Variants in BMP1 observed in about 807,000 individuals in gnomAD.
The protein encoded by BMP1 is bone morphogenetic protein 1, also known as mammalian tolloid protein.
A neutral mutation model predicts 116.8 loss-of-function variants in BMP1; 63 were observed. That is an observed-to-expected ratio of 0.54 (90% CI 0.44 to 0.67). The LOEUF (loss-of-function observed/expected upper bound fraction) is 0.67. BMP1 is among the 30% of genes least tolerant of loss of function. The probability of loss-of-function intolerance (pLI) is 0.00; values close to 1 mark genes in which losing one functional copy is unlikely to be tolerated. For synonymous variants in BMP1, 536 were observed against 533.4 expected (o/e 1.00, Z -0.07); for missense variants, 1,183 against 1,358.9 (o/e 0.87, Z 2.04).
chr8:22,168,978 G>A (rs981864951), intron 1 of BMP1, among the ~76,000 whole-genome samples: 3 of 152,188 alleles, frequency 2.0e-5, no homozygotes, highest in African/African-American at 7.2e-5. Context: ...ACTAGCCTGG[G>A]CAACACAGCA....
At chr8:22,167,039 T>C (rs1342762231) in intron 1 of BMP1, among the ~76,000 whole-genome samples, 2 of 152,140 alleles carry the variant, frequency 1.3e-5, no homozygotes, top group Non-Finnish European at 2.9e-5. Flanking sequence ...GTGGTAAGGG[T>C]TAAATATGAA....
intron 18 of BMP1, 38 bp downstream of exon 18, chr8:22,207,554 G>A: frequency 6.2e-7 from 1 of 1,603,872 alleles, no homozygotes. Context: ...ACTGAGCCTG[G>A]TCTCCAAGAC....
rs772019480 is a variant in BMP1, at chr8:22,209,747, G to T, written c.2826+52G>T. On this transcript the variant is annotated intron_variant, in intron 19 of 19. Coordinates refer to ENST00000306385, the MANE Select transcript of BMP1 (RefSeq NM_006129.5). Reference sequence around the variant, plus strand: ...GGCCCCATGCCCCACGCCCCACACTGTCCTCCACCCTTCTCAGCCCAGTCT... The same window carrying T: ...GGCCCCATGCCCCACGCCCCACACTTTCCTCCACCCTTCTCAGCCCAGTCT... 5.7e-6 allele frequency: 9 copies of T among 1,578,576 alleles called. No homozygotes were observed. In the East Asian group the frequency reaches 2.0e-4, roughly 35 times the overall value.
At chr8:22,167,293 T>A (rs979822802) in intron 1 of BMP1, among the ~76,000 whole-genome samples, 3 of 152,100 alleles carry the variant, frequency 2.0e-5, no homozygotes, top group Admixed American at 2.0e-4. Context: ...TCAAGGAGCT[T>A]ACAGTCCAGT....
In BMP1 at chr8:22,209,455, C is replaced by T. The variant is rs776461856; in HGVS notation, c.2586C>T (p.Gly862=). ...TCTTGTCCCCTACAGAGTGCGGGGG[C>T]CAGGTACGGGCAGACGTGAAGACCA... ...FQASHATECG[G]QVRADVKTKD... The change falls in exon 19 of 20, where the codon GGC becomes GGT. Residue 862 remains glycine (G), a synonymous_variant. Transcript: ENST00000306385. The T allele has an allele frequency of 1.4e-5, 22 of 1,614,004 alleles. No homozygotes were observed. The South Asian group carries it at 2.1e-4, about 15-fold the overall frequency.
rs921220667 is a variant in BMP1, at chr8:22,198,141, C to T, written c.2107+721C>T. 5.3e-5 allele frequency among the ~76,000 whole-genome samples: 8 copies of T among 152,290 alleles called. No homozygotes were observed. The East Asian group carries it at 1.5e-3, about 29-fold the overall frequency. ...TTGAGGCTGTAGTGAACGATGATCT[C>T]GTCACTCACTCCAGACCCTGTTTCT... On this transcript the variant is annotated intron_variant, in intron 15 of 19. Transcript: ENST00000306385.
intron 8 of BMP1, among the ~76,000 whole-genome samples, chr8:22,184,037 T>C (rs1828699467): frequency 6.6e-6 from 1 of 152,242 alleles, no homozygotes; most frequent in African/African-American, 2.4e-5. Context: ...CAAGAGTTGG[T>C]GATTTCAATA....
At position 22,194,325 on chromosome 8, in the gene BMP1, G is replaced by A. The variant is rs536782865; in HGVS notation, c.1298-120G>A. On this transcript the variant is annotated intron_variant, in intron 10 of 19. Coordinates refer to ENST00000306385, the MANE Select transcript of BMP1 (RefSeq NM_006129.5). This position sits in a 1 kb window ranked among gnomAD's most constrained non-coding sequence, Gnocchi z 4.5. ...GGGATTGCCTGGGACTGGGGGTTTG[G>A]TGGGGAACTGAAAAGCTGGGGGACA... The A allele has an allele frequency of 4.2e-4, 614 of 1,479,160 alleles. 1 individual carries two copies. The highest frequency in any genetic ancestry group is 1.5e-3 in the Admixed American group (83 of 54,286). 91.6% of individuals were successfully genotyped at this position (1,479,160 alleles called of 1,614,324 possible).
At chr8:22,188,872 G>C (rs944352628) in intron 8 of BMP1, among the ~76,000 whole-genome samples, 1 of 152,158 alleles carries the variant, frequency 6.6e-6, no homozygotes. Context: ...GAAGGAAAGC[G>C]GGCGCTTGTC....
rs1237734585 is a variant in BMP1 at position 22,165,388 on chromosome 8, C to A, written c.-18C>A. On this transcript the variant is annotated 5_prime_UTR_variant, in exon 1 of 20. Transcript: ENST00000306385. ...CTGGCCTCCAGTGCGCCGCTTCCCT[C>A]GCCGCCGCCCCGCCAGCATGCCCGG... 1.4e-6 allele frequency: 2 copies of A among 1,435,600 alleles called. No homozygotes were observed. Among genetic ancestry groups the A allele is most frequent in the South Asian group, 1.5e-5 (1 of 66,590 alleles). 88.9% of individuals were successfully genotyped at this position (1,435,600 alleles called of 1,614,324 possible). A position where few individuals can be genotyped will look rare whatever the true frequency, so the allele number is the denominator to read the frequency against.
chr8:22,202,004 A>G (rs1167589856), intron 16 of BMP1, 76 bp downstream of exon 16: 11 of 1,526,332 alleles, frequency 7.2e-6, no homozygotes, highest in African/African-American at 2.7e-5. Flanking sequence ...GATCATCTCC[A>G]TCAGCCTCCG....
chr8:22,180,200 G>A (rs1186101424), intron 7 of BMP1, among the ~76,000 whole-genome samples, 168 bp from the exon 8 acceptor site: 1 of 152,066 alleles, frequency 6.6e-6, no homozygotes, highest in African/African-American at 2.4e-5. Flanking sequence ...TGTGCTATAT[G>A]TGAGGTAGGG....
At chr8:22,210,527 C>G (rs1319592170) in intron 19 of BMP1, among the ~76,000 whole-genome samples, 5 of 151,786 alleles carry the variant, frequency 3.3e-5, no homozygotes, top group Non-Finnish European at 5.9e-5. Flanking sequence ...TACACTGGCC[C>G]TCCTGTCACC....
chr8:22,195,983 C>T (rs1829073490), intron 13 of BMP1, among the ~76,000 whole-genome samples: 1 of 152,058 alleles, frequency 6.6e-6, no homozygotes, highest in Admixed American at 6.5e-5. Context: ...CTTGGAAAAG[C>T]TAGATGGATA....
chr8:22,198,819 C>T, intron 15 of BMP1: 2 of 539,940 alleles, frequency 3.7e-6, no homozygotes, highest in Non-Finnish European at 5.4e-6. Flanking sequence ...TTACAGTGGC[C>T]CGTTGACCTC....
intron 16 of BMP1, among the ~76,000 whole-genome samples, chr8:22,205,918 A>G (rs772066694): frequency 5.9e-5 from 9 of 152,210 alleles, no homozygotes; most frequent in Admixed American, 1.3e-4. Flanking sequence ...CAAAGCCCTC[A>G]AGGAACCGAG....
rs776044929 is a variant in BMP1 at position 22,177,084 on chromosome 8, C to T, written c.675C>T (p.His225=). Residue 225 remains histidine (H), a synonymous_variant, in exon 5 of 20, where the codon CAC becomes CAT. Transcript: ENST00000306385. ...ACGTCGTCGGCTTCTGGCACGAACA[C>T]ACTCGGCCAGACCGGGACCGCCACG... ...LGHVVGFWHE[H]TRPDRDRHVS... The T allele has an allele frequency of 6.2e-6, 10 of 1,612,230 alleles. No individual in the cohort carries two copies. In the South Asian group the frequency reaches 8.8e-5, roughly 14 times the overall value.
intron 15 of BMP1, among the ~76,000 whole-genome samples, chr8:22,200,055 A>G (rs749468396): frequency 1.3e-4 from 20 of 152,046 alleles, no homozygotes; most frequent in Non-Finnish European, 2.8e-4. Flanking sequence ...TTTCTACCTC[A>G]TGGTTCATCT....
chr8:22,200,723 G>A (rs1281317417), intron 15 of BMP1, among the ~76,000 whole-genome samples: 1 of 152,160 alleles, frequency 6.6e-6, no homozygotes. Flanking sequence ...AACACACTCT[G>A]TAGATGTCGC....
Sources: allele counts gnomAD v4.1 joint callset (sites outside exome capture counted in the v4.1 genomes callset), GRCh38; gene constraint gnomAD v4.1.1; non-coding constraint Gnocchi (gnomAD v3.1); transcripts MANE v1.5; gene names NCBI Gene and HGNC (gene_info 2026-07-23, HGNC 2026-07-21).